The following GDPD4 variants were observed in gnomAD, a reference collection of about 807,000 sequenced individuals.
GDPD4 encodes the protein glycerophosphodiester phosphodiesterase domain containing 4.
In GDPD4, 60 loss-of-function variants were observed where a neutral mutation model predicts 67.8. That is an observed-to-expected ratio of 0.88 (90% CI 0.72 to 1.10). The LOEUF (loss-of-function observed/expected upper bound fraction) is 1.10, where lower values mean the gene tolerates loss of function less well. GDPD4 is among the 50% of genes least tolerant of loss of function. The pLI is 0.00. For missense variants in GDPD4, 623 were observed against 613.9 expected (o/e 1.01, Z -0.16); for synonymous variants, 212 against 210.9 (o/e 1.00, Z -0.04).
intron 2 of GDPD4, 196 bp downstream of exon 2, chr11:77,287,022 T>A (rs1271382859): frequency 1.3e-5 from 2 of 151,880 alleles, no homozygotes; most frequent in Non-Finnish European, 2.9e-5. Flanking sequence ...AAGTGAAAAA[T>A]GAAGTGAAGG....
At chr11:77,223,845 T>C (rs573243853) in intron 16 of GDPD4, among the ~76,000 whole-genome samples, 1 of 152,266 alleles carries the variant, frequency 6.6e-6, no homozygotes, top group South Asian at 2.1e-4. Context: ...TCCGGTGGGC[T>C]CCACCTAATT....
intron 11 of GDPD4, among the ~76,000 whole-genome samples, chr11:77,256,405 T>C (rs1959004668): frequency 6.6e-6 from 1 of 152,206 alleles, no homozygotes; most frequent in Non-Finnish European, 1.5e-5. Flanking sequence ...TTTTCATATA[T>C]GGAAATAGCA....
At chr11:77,273,381 A>G (rs1415217174) in intron 5 of GDPD4, among the ~76,000 whole-genome samples, 4 of 152,160 alleles carry the variant, frequency 2.6e-5, no homozygotes, top group Non-Finnish European at 5.9e-5. Context: ...AGACTCAACC[A>G]AGGTAGTTAA....
At chr11:77,237,321 C>A (rs1473597482) in intron 13 of GDPD4, among the ~76,000 whole-genome samples, 1 of 152,148 alleles carries the variant, frequency 6.6e-6, no homozygotes, top group Non-Finnish European at 1.5e-5. Flanking sequence ...AATGATAAAT[C>A]TCGGCAGTAT....
rs997008144 is a variant in GDPD4 at position 77,272,669 on chromosome 11, G to A, written c.208-1276C>T. ...CACACAACTGTAGTTCCAGCTACTCGGGAGGCTGAAGTGGGAGAATCGCTT... is the reference window on the plus strand; with the variant it reads ...CACACAACTGTAGTTCCAGCTACTCAGGAGGCTGAAGTGGGAGAATCGCTT... On this transcript the variant is annotated intron_variant, in intron 5 of 16. Transcript: ENST00000315938. 3.3e-5 allele frequency among the ~76,000 whole-genome samples: 5 copies of A among 152,018 alleles called. No homozygotes were observed. In the South Asian group the frequency reaches 6.2e-4, roughly 19 times the overall value.
intron 11 of GDPD4, among the ~76,000 whole-genome samples, chr11:77,250,150 A>G (rs1835738753): frequency 1.3e-5 from 2 of 152,150 alleles, no homozygotes; most frequent in African/African-American, 4.8e-5. Context: ...TTACCTGGGT[A>G]TATTGCATGA....
chr11:77,223,815 AGGCAGG>A (rs1165722371), intron 16 of GDPD4, among the ~76,000 whole-genome samples: 3 of 152,174 alleles, frequency 2.0e-5, no homozygotes. Context: ...GAGTCTACAG[AGGCAGG>A]GGCCTCCTTG....
At chr11:77,297,642 T>C (rs1485023453) in intron 1 of GDPD4, among the ~76,000 whole-genome samples, 1 of 152,214 alleles carries the variant, frequency 6.6e-6, no homozygotes, top group Non-Finnish European at 1.5e-5. Flanking sequence ...TATGTAAGTA[T>C]TCTGTACCTC....
intron 8 of GDPD4, 120 bp from the exon 9 acceptor site, chr11:77,269,189 ACTGG>A (rs2135870970): frequency 2.6e-6 from 2 of 783,896 alleles, no homozygotes; most frequent in East Asian, 5.3e-5. Flanking sequence ...TTGACTGTGT[ACTGG>A]CTAATTTACT....
chr11:77,220,104 T>C (rs564432265), intron 16 of GDPD4, among the ~76,000 whole-genome samples: 2 of 152,340 alleles, frequency 1.3e-5, no homozygotes, highest in South Asian at 4.1e-4. Flanking sequence ...AAGGAGACTT[T>C]GGGCTGAGAC....
intron 3 of GDPD4, among the ~76,000 whole-genome samples, chr11:77,284,546 A>G (rs1959908432): frequency 6.6e-6 from 1 of 152,198 alleles, no homozygotes; most frequent in Non-Finnish European, 1.5e-5. Flanking sequence ...GATTTGCAGG[A>G]AGGTTAGAAG....
At chr11:77,291,391 A>C (rs528487859) in intron 1 of GDPD4, among the ~76,000 whole-genome samples, 5 of 152,294 alleles carry the variant, frequency 3.3e-5, no homozygotes, top group African/African-American at 1.2e-4. Context: ...AGGGGGATGA[A>C]GAAAGGTAGG....
Position 77,227,934 on chromosome 11 carries a change from A to G in GDPD4, c.1473-18T>C. 2.5e-6 allele frequency: 4 copies of G among 1,583,946 alleles called. No homozygotes were observed. Among genetic ancestry groups the G allele is most frequent in the Non-Finnish European group, 3.5e-6 (4 of 1,156,656 alleles). ...CTCTCCGCCTAGAAGGAAGCAGACC[A>G]TCCATGAAATGAAGGGGTCTAAAGA... On this transcript the variant is annotated intron_variant, in intron 15 of 16. Transcript: ENST00000315938.
chr11:77,278,784 C>T (rs1250243558), intron 4 of GDPD4, among the ~76,000 whole-genome samples: 1 of 152,214 alleles, frequency 6.6e-6, no homozygotes, highest in Non-Finnish European at 1.5e-5. Flanking sequence ...CTAAGTGACA[C>T]TACTATGTTA....
intron 4 of GDPD4, among the ~76,000 whole-genome samples, chr11:77,277,127 TA>T (rs1391949623): frequency 6.6e-6 from 1 of 151,884 alleles, no homozygotes; most frequent in Non-Finnish European, 1.5e-5. Context: ...CCTTAGAACC[TA>T]ACTATACCAT....
rs192634445 is a variant in GDPD4 at position 77,240,315 on chromosome 11, G to C, written c.1241+3379C>G. On this transcript the variant is annotated intron_variant, in intron 13 of 16. Transcript: ENST00000315938. ...ACACATACCAGTGGAACAGAATAGA[G>C]AGCCCAGATGTAAATTCAAATCGTT... Among the ~76,000 whole-genome samples, 1,285 of 152,192 alleles carry C rather than the reference G, an allele frequency of 8.4e-3. 30 individuals carry two copies. The highest frequency in any genetic ancestry group is 0.029 in the African/African-American group (1,224 of 41,522).
chr11:77,299,942 CAA>C (rs897623652), intron 1 of GDPD4, among the ~76,000 whole-genome samples: 3 of 152,128 alleles, frequency 2.0e-5, no homozygotes, highest in African/African-American at 4.8e-5. Flanking sequence ...ATACTAGAGA[CAA>C]AGAGGGACAT....
At chr11:77,253,274 T>G (rs996111957) in intron 11 of GDPD4, among the ~76,000 whole-genome samples, 35 of 152,160 alleles carry the variant, frequency 2.3e-4, no homozygotes, top group African/African-American at 8.2e-4. Context: ...TTTGGGAGCT[T>G]GAGCCAACAG....
intron 13 of GDPD4, among the ~76,000 whole-genome samples, chr11:77,233,575 CAG>C (rs1219528055): frequency 6.6e-6 from 1 of 151,864 alleles, no homozygotes; most frequent in African/African-American, 2.4e-5. Flanking sequence ...AACCAATTTG[CAG>C]AGTTTCTGAA....
Sources: gnomAD v4.1 joint callset for allele counts (sites outside exome capture counted in the v4.1 genomes callset) on GRCh38, gnomAD v4.1.1 for gene constraint, MANE v1.5 for transcripts, NCBI Gene and HGNC (gene_info 2026-07-23, HGNC 2026-07-21) for gene names.